NSUN2: variants seen among roughly 807,000 people sequenced by gnomAD.
The protein encoded by NSUN2 is NOP2/Sun RNA methyltransferase 2.
Under a neutral mutation model 92.7 loss-of-function variants are expected in NSUN2, and 63 were observed. That is an observed-to-expected ratio of 0.68 (90% CI 0.56 to 0.84). NSUN2 has a LOEUF of 0.84. Ranked by LOEUF, NSUN2 falls within the 40% of genes least tolerant of loss-of-function variation. The pLI is 0.00. For synonymous variants in NSUN2, 356 were observed against 348.3 expected, an observed-to-expected ratio of 1.02 and a Z score of -0.25; for missense variants, 989 against 964.9, an observed-to-expected ratio of 1.02 and a Z score of -0.33.
chr5:6,624,775 T>A (rs539903688), intron 4 of NSUN2, among the ~76,000 whole-genome samples: 4 of 151,734 alleles, frequency 2.6e-5, no homozygotes, highest in African/African-American at 9.7e-5. Context: ...AACCATAATC[T>A]GGTGACACAC....
chr5:6,614,804 T>C (rs905474603), intron 9 of NSUN2, among the ~76,000 whole-genome samples: 1 of 151,846 alleles, frequency 6.6e-6, no homozygotes, highest in South Asian at 2.1e-4. Context: ...GTATCTCCAA[T>C]GTGAGGAAAG....
Position 6,599,837 on chromosome 5 carries a change from G to T in NSUN2, c.*89C>A. ...GAAATATATGCTTTACAGGCCACAGGCTGCTCTGGATTTGGTTTCAGACAC... is the reference window on the plus strand; with the variant it reads ...GAAATATATGCTTTACAGGCCACAGTCTGCTCTGGATTTGGTTTCAGACAC... On this transcript the variant is annotated 3_prime_UTR_variant, in exon 19 of 19. Coordinates refer to ENST00000264670, the MANE Select transcript of NSUN2 (RefSeq NM_017755.6). 1.7e-6 allele frequency: 2 copies of T among 1,157,938 alleles called. No homozygotes were observed. Among genetic ancestry groups the T allele is most frequent in the Non-Finnish European group, 2.5e-6 (2 of 800,654 alleles). 71.7% of individuals were successfully genotyped at this position (1,157,938 alleles called of 1,614,324 possible).
chr5:6,604,456 A>G (rs948568242), intron 16 of NSUN2, 149 bp downstream of exon 16: 10 of 893,450 alleles, frequency 1.1e-5, no homozygotes, highest in South Asian at 7.8e-5. Flanking sequence ...ACTCTGGGAG[A>G]GCTCTATAAC....
In NSUN2 at chr5:6,599,721, C is replaced by T. The variant is rs1310878416; in HGVS notation, c.*205G>A. 3.4e-5 allele frequency: 18 copies of T among 522,334 alleles called. No individual in the cohort carries two copies. Among genetic ancestry groups the T allele is most frequent in the Non-Finnish European group, 4.4e-5 (13 of 298,120 alleles). The allele number at this position is 522,334 out of a possible 1,614,324, so 32.4% of individuals were successfully genotyped here. A position where few individuals can be genotyped will look rare whatever the true frequency, so the allele number is the denominator to read the frequency against. The stretch of plus-strand genomic sequence containing the variant: ...ACAAAATAAAACAAGTGATTTCTAA[C>T]ACGCTAAAAGAGTACATTTTCATCA... On this transcript the variant is annotated 3_prime_UTR_variant, in exon 19 of 19. Transcript: ENST00000264670.
Position 6,631,853 on chromosome 5 carries a change from T to C in NSUN2, c.359+20A>G. ...TAATATCCCAAATAAATATTCGGCA[T>C]GAAGCACTGTGGTACCTACCAACTC... On this transcript the variant is annotated intron_variant, in intron 3 of 18. Transcript: ENST00000264670. The C allele has an allele frequency of 6.7e-7, 1 of 1,491,764 alleles. No homozygotes were observed. Among genetic ancestry groups the C allele is most frequent in the Non-Finnish European group, 9.3e-7 (1 of 1,075,080 alleles). The allele number at this position is 1,491,764 out of a possible 1,614,324, so 92.4% of individuals were successfully genotyped here. A position where few individuals can be genotyped will look rare whatever the true frequency, so the allele number is the denominator to read the frequency against.
intron 3 of NSUN2, among the ~76,000 whole-genome samples, chr5:6,630,510 T>A (rs1737835103): frequency 6.6e-6 from 1 of 152,212 alleles, no homozygotes; most frequent in Admixed American, 6.5e-5. Context: ...TTCACGATGT[T>A]GGTCATATTT....
chr5:6,624,803 G>A lies in NSUN2; in HGVS notation c.465+761C>T, dbSNP rs541335025. On this transcript the variant is annotated intron_variant, in intron 4 of 18. Transcript: ENST00000264670. ...TGACACACAGATTTACTAGAAGGTA[G>A]TAGTTTAGAAAATAGGAAGGACGAA... Among the ~76,000 whole-genome samples the A allele has an allele frequency of 4.6e-5, 6 of 131,332 alleles. No individual in the cohort carries two copies. In the East Asian group the frequency reaches 1.2e-3, roughly 26 times the overall value. 86.2% of individuals were successfully genotyped at this position (131,332 alleles called of 152,430 possible). A position where few individuals can be genotyped will look rare whatever the true frequency, so the allele number is the denominator to read the frequency against.
intron 2 of NSUN2, among the ~76,000 whole-genome samples, chr5:6,632,272 G>A (rs1051272282): frequency 3.9e-5 from 6 of 152,146 alleles, no homozygotes; most frequent in Non-Finnish European, 8.8e-5. Context: ...GGGCGCGGAG[G>A]AGGGGAGAAC....
chr5:6,620,114 G>A lies in NSUN2; in HGVS notation c.807C>T (p.Val269=). ...ILFYDRILCD[V]PCSGDGTMRK... ...GCCAATAAGATAAATACCTGCAAGG[G>A]ACATCACATAAAATTCGATCATAGA... Residue 269 remains valine, a synonymous_variant, in exon 7 of 19, where the codon GTC becomes GTT. Coordinates refer to ENST00000264670, the MANE Select transcript of NSUN2 (RefSeq NM_017755.6). 7 of 1,594,006 alleles carry A rather than the reference G, an allele frequency of 4.4e-6. No homozygotes were observed. Among genetic ancestry groups the A allele is most frequent in the Non-Finnish European group, 6.0e-6 (7 of 1,171,704 alleles).
rs1386289138 is a variant in NSUN2, at chr5:6,604,276, CCT to C, written c.1819-2_1819-1del. ...ATAAATGGATACAATGTATATATTCCCTGTGTGAATAAAGAGAATGAGAGAAC... is the reference window on the plus strand; with the variant it reads ...ATAAATGGATACAATGTATATATTCCGTGTGAATAAAGAGAATGAGAGAAC... On this transcript the variant is annotated splice_acceptor_variant, in intron 16 of 18. Transcript: ENST00000264670. LOFTEE classifies it high-confidence loss of function. 6.3e-7 allele frequency: 1 copy of C among 1,586,956 alleles called. No individual in the cohort carries two copies. Among genetic ancestry groups the C allele is most frequent in the Non-Finnish European group, 8.6e-7 (1 of 1,158,576 alleles).
rs756863943 is a variant in NSUN2, at chr5:6,631,883, G to C, written c.349C>G (p.Pro117Ala). Residue 117 changes from proline (P) to alanine (A), a missense_variant, in exon 3 of 19, where the codon CCA (proline) becomes GCA (alanine). By Grantham distance (27) the Pro-to-Ala change is conservative. Coordinates refer to ENST00000264670, the MANE Select transcript of NSUN2 (RefSeq NM_017755.6). ...VDGQKVEVPQ[P>A]LSWYPEELAW... ...CACTGTGGTACCTACCAACTCAGTG[G>C]CTGTGGAACTTCAACTTTCTGACCG... The C allele has an allele frequency of 2.5e-6, 4 of 1,611,034 alleles. No individual in the cohort carries two copies. The East Asian group carries it at 8.9e-5, about 36-fold the overall frequency.
chr5:6,623,318 G>GCA, intron 4 of NSUN2, 33 bp from the exon 5 acceptor site: 4 of 1,385,724 alleles, frequency 2.9e-6, no homozygotes, highest in Non-Finnish European at 2.8e-6. Flanking sequence ...GCAACAATTA[G>GCA]GAAAAAAAAA....
intron 8 of NSUN2, among the ~76,000 whole-genome samples, chr5:6,617,383 A>C (rs1737253465): frequency 6.6e-6 from 1 of 152,238 alleles, no homozygotes; most frequent in African/African-American, 2.4e-5. Context: ...CAAATGAAAA[A>C]AAGAATACAC....
chr5:6,608,869 A>G (rs1419086617), intron 12 of NSUN2, among the ~76,000 whole-genome samples: 1 of 152,264 alleles, frequency 6.6e-6, no homozygotes. Context: ...ACTTTACAAT[A>G]TAATTTCTTA....
intron 13 of NSUN2, 47 bp downstream of exon 13, chr5:6,607,153 T>G (rs955245451): frequency 6.3e-7 from 1 of 1,584,358 alleles, no homozygotes; most frequent in African/African-American, 1.3e-5. Flanking sequence ...CCAAAAGGAC[T>G]GTGAAGACAC....
At chr5:6,615,669 G>A (rs1357586628) in intron 9 of NSUN2, among the ~76,000 whole-genome samples, 2 of 152,222 alleles carry the variant, frequency 1.3e-5, no homozygotes, top group Admixed American at 6.5e-5. Context: ...GCCGCCAAGG[G>A]GAGCCTCACT....
chr5:6,611,700 A>G, intron 10 of NSUN2, 25 bp downstream of exon 10: 1 of 1,608,918 alleles, frequency 6.2e-7, no homozygotes, highest in Non-Finnish European at 8.5e-7. Context: ...ACTCTTTAGA[A>G]TGAAAGTTCT....
Position 6,605,336 on chromosome 5 carries a change from C to T in NSUN2, c.1674G>A (p.Arg558=). ...ACTCCTTAGAAACCATGTAGAGCTG[C>T]CTTTTCTTCCCTTCTGTAGTCCGAG... ...LLTRTTEGKK[R]QLYMVSKELR... The change falls in exon 15 of 19, where the codon AGG becomes AGA. Residue 558 remains arginine, a synonymous_variant. Transcript: ENST00000264670. 2 of 1,614,218 alleles carry T rather than the reference C, an allele frequency of 1.2e-6. No homozygotes were observed. Among genetic ancestry groups the T allele is most frequent in the South Asian group, 2.2e-5 (2 of 91,082 alleles).
In NSUN2 at chr5:6,620,167, C is replaced by A. The variant is rs1479077125; in HGVS notation, c.754G>T (p.Asp252Tyr). The change falls in exon 7 of 19, where the codon GAT becomes TAT. Residue 252 changes from aspartate to tyrosine, a missense_variant. Physicochemically the swap from Asp to Tyr is radical, Grantham distance 160. This residue lies in a region of NSUN2 where 356 missense variants were observed against 338.6 expected (regional missense o/e 1.05). Coordinates refer to ENST00000264670, the MANE Select transcript of NSUN2 (RefSeq NM_017755.6). ...DASSIPRLQI[D>Y]VDGRKEILFY... ...AGGATCTCTTTCCTGCCGTCCACAT[C>A]TATCTGGAGCCTGGGTATGCTGGAG... The A allele has an allele frequency of 1.2e-6, 2 of 1,612,624 alleles. No homozygotes were observed. Among genetic ancestry groups the A allele is most frequent in the East Asian group, 4.5e-5 (2 of 44,724 alleles).
Sources: gnomAD v4.1 joint callset for allele counts (sites outside exome capture counted in the v4.1 genomes callset) on GRCh38, gnomAD v4.1.1 for gene constraint, gnomAD v4.1.1 regional missense constraint, MANE v1.5 for transcripts, NCBI Gene and HGNC (gene_info 2026-07-23, HGNC 2026-07-21) for gene names.